SUSD4: variants seen among roughly 807,000 people sequenced by gnomAD.
The protein encoded by SUSD4 is sushi domain-containing protein 4.
A neutral mutation model predicts 50.5 loss-of-function variants in SUSD4; 41 were observed. That is an observed-to-expected ratio of 0.81 (90% confidence interval 0.63 to 1.05). The LOEUF is 1.05. Ranked by LOEUF, SUSD4 falls within the 50% of genes least tolerant of loss-of-function variation. SUSD4 has a pLI of 0.00. For missense variants in SUSD4, 580 were observed against 634.7 expected (o/e 0.91, Z 0.93); for synonymous variants, 257 against 257.3 (o/e 1.00, Z 0.01).
chr1:223,264,239 A>C (rs540431027), intron 5 of SUSD4: 3 of 985,464 alleles, frequency 3.0e-6, no homozygotes, highest in East Asian at 2.3e-4. Flanking sequence ...CATAAAGTGC[A>C]TGGAAATATG....
At chr1:223,241,789 T>C (rs1472166805) in intron 5 of SUSD4, among the ~76,000 whole-genome samples, 1 of 152,212 alleles carries the variant, frequency 6.6e-6, no homozygotes, top group East Asian at 1.9e-4. Flanking sequence ...GCCTGGCTGC[T>C]CTGTGTCTGA....
intron 3 of SUSD4, among the ~76,000 whole-genome samples, chr1:223,285,142 C>T (rs1444009233): frequency 6.6e-6 from 1 of 152,026 alleles, no homozygotes; most frequent in Admixed American, 6.5e-5. Flanking sequence ...TAATTATATG[C>T]CAATTTAAAA....
At chr1:223,257,543 T>C (rs910209148) in intron 5 of SUSD4, among the ~76,000 whole-genome samples, 3 of 152,130 alleles carry the variant, frequency 2.0e-5, no homozygotes, top group African/African-American at 4.8e-5. Context: ...TCTACAAGGA[T>C]ACACTGGGGT....
At chr1:223,326,687 G>A (rs2103260715) in intron 2 of SUSD4, among the ~76,000 whole-genome samples, 1 of 152,140 alleles carries the variant, frequency 6.6e-6, no homozygotes, top group East Asian at 1.9e-4. Flanking sequence ...GTGGGCAAAG[G>A]AAATGAATAG....
At chr1:223,236,686 G>C (rs1238645229) in intron 5 of SUSD4, among the ~76,000 whole-genome samples, 1 of 151,736 alleles carries the variant, frequency 6.6e-6, no homozygotes, top group African/African-American at 2.4e-5. Context: ...CTATTTCTAG[G>C]CTCTCTATTG....
Position 223,332,745 on chromosome 1 carries a change from G to A in SUSD4, c.148+30533C>T, listed in dbSNP as rs567088640. ...GTGTCACAGGGAAACGGAACCAGGG[G>A]TAAAACTTCCTGCTGAGGCTCGGAG... On this transcript the variant is annotated intron_variant, in intron 2 of 8. Transcript: ENST00000366878. The surrounding 1 kb of genome is among the most constrained non-coding windows in gnomAD (Gnocchi z 4.0). Among the ~76,000 whole-genome samples, 1 of 152,224 alleles carries A rather than the reference G, an allele frequency of 6.6e-6. No homozygotes were observed. The highest frequency in any genetic ancestry group is 1.9e-4 in the East Asian group (1 of 5,172).
chr1:223,329,970 A>G (rs1667089384), intron 2 of SUSD4, among the ~76,000 whole-genome samples: 1 of 152,194 alleles, frequency 6.6e-6, no homozygotes, highest in African/African-American at 2.4e-5. Context: ...GAACAAACGG[A>G]AAGATGGACG....
intron 5 of SUSD4, among the ~76,000 whole-genome samples, chr1:223,252,451 T>C (rs1661399316): frequency 6.6e-6 from 1 of 151,748 alleles, no homozygotes; most frequent in Non-Finnish European, 1.5e-5. Flanking sequence ...CCCCCACAGC[T>C]AACTCCAAGG....
intron 5 of SUSD4, chr1:223,264,184 C>T (rs1215475259): frequency 1.0e-6 from 1 of 985,290 alleles, no homozygotes; most frequent in Non-Finnish European, 1.2e-6. Context: ...CTCTTGCTTT[C>T]AGGCATCCAA....
chr1:223,284,721 C>T (rs1055937435), intron 3 of SUSD4, among the ~76,000 whole-genome samples: 1 of 152,058 alleles, frequency 6.6e-6, no homozygotes, highest in Non-Finnish European at 1.5e-5. Context: ...GTGGATGGAA[C>T]TGGGGGACAT....
intron 2 of SUSD4, among the ~76,000 whole-genome samples, chr1:223,329,061 G>A (rs1373225571): frequency 6.6e-6 from 1 of 152,078 alleles, no homozygotes; most frequent in Non-Finnish European, 1.5e-5. Flanking sequence ...CCCGTCCTAA[G>A]ACTCAGACAT....
intron 2 of SUSD4, among the ~76,000 whole-genome samples, chr1:223,329,320 G>A (rs570815962): frequency 6.6e-6 from 1 of 152,238 alleles, no homozygotes; most frequent in South Asian, 2.1e-4. Context: ...AATGAACAAG[G>A]ATATAGCTGT....
chr1:223,317,831 CTTCTTTTTTTTTTTTTT>C lies in SUSD4; in HGVS notation c.149-25197_149-25181del, dbSNP rs1363544978. 7.2e-3 allele frequency among the ~76,000 whole-genome samples: 943 copies of C among 130,758 alleles called. 4 individuals are homozygous for C. Among genetic ancestry groups the C allele is most frequent in the South Asian group, 0.026 (101 of 3,860 alleles). The allele number at this position is 130,758 out of a possible 152,430, so 85.8% of individuals were successfully genotyped here. ...CACTGGGAGCTCGTCAATGCTTGCC[CTTCTTTTTTTTTTTTTT>C]TTCTTTTTTTTTTTTTTTTTTATTA... On this transcript the variant is annotated intron_variant, in intron 2 of 8. Coordinates refer to ENST00000366878, the MANE Select transcript of SUSD4 (RefSeq NM_017982.4).
intron 2 of SUSD4, among the ~76,000 whole-genome samples, chr1:223,329,023 C>A (rs944942252): frequency 1.3e-5 from 2 of 152,230 alleles, no homozygotes; most frequent in Non-Finnish European, 2.9e-5. Flanking sequence ...TCCTGCCCAA[C>A]AACTTTCAGT....
At chr1:223,343,290 A>G (rs1362743788) in intron 2 of SUSD4, among the ~76,000 whole-genome samples, 1 of 152,152 alleles carries the variant, frequency 6.6e-6, no homozygotes, top group Non-Finnish European at 1.5e-5. Context: ...GGACCAAGTG[A>G]GATTCTCCTT....
chr1:223,268,999 G>A (rs1340288468), intron 3 of SUSD4, among the ~76,000 whole-genome samples: 1 of 152,202 alleles, frequency 6.6e-6, no homozygotes, highest in Admixed American at 6.5e-5. Flanking sequence ...AAAGAGAAGT[G>A]TTGAGGATTA....
chr1:223,334,338 A>T (rs1202383817), intron 2 of SUSD4, among the ~76,000 whole-genome samples: 4 of 152,102 alleles, frequency 2.6e-5, no homozygotes, highest in Non-Finnish European at 1.5e-5. Flanking sequence ...AGAAAACTGG[A>T]GAGAAAAGAT....
intron 2 of SUSD4, chr1:223,360,347 C>T: frequency 2.4e-6 from 1 of 416,622 alleles, no homozygotes; most frequent in South Asian, 1.8e-5. Context: ...TGAAGCCATG[C>T]TCCATGCAGA....
chr1:223,358,574 T>C (rs1668795260), intron 2 of SUSD4, among the ~76,000 whole-genome samples: 1 of 152,222 alleles, frequency 6.6e-6, no homozygotes, highest in South Asian at 2.1e-4. Context: ...TTTATTCACG[T>C]ATCTAATCAG....
Sources: gnomAD v4.1 joint callset for allele counts (sites outside exome capture counted in the v4.1 genomes callset) on GRCh38, gnomAD v4.1.1 for gene constraint, Gnocchi (gnomAD v3.1) non-coding constraint, MANE v1.5 for transcripts, NCBI Gene and HGNC (gene_info 2026-07-23, HGNC 2026-07-21) for gene names.